Variants in TMEM60 observed in about 807,000 individuals in gnomAD.
TMEM60 encodes chromosome 7 open reading frame 35.
A neutral mutation model predicts 10.7 loss-of-function variants in TMEM60; 4 were observed. The observed-to-expected ratio is 0.37, with a 90% CI of 0.18 to 0.86. TMEM60 has a LOEUF of 0.86. Among genes scored for constraint, TMEM60 ranks in the 40% least tolerant of loss-of-function variants. The probability of loss-of-function intolerance (pLI) is 0.43; values close to 1 mark genes in which losing one functional copy is unlikely to be tolerated. For synonymous variants in TMEM60, 56 were observed against 58.1 expected (o/e 0.96, Z 0.17); for missense variants, 128 against 153.4 (o/e 0.83, Z 0.88).
intron 1 of TMEM60, among the ~76,000 whole-genome samples, chr7:77,797,056 C>T (rs1022995467): frequency 6.6e-6 from 1 of 152,094 alleles, no homozygotes; most frequent in African/African-American, 2.4e-5. Flanking sequence ...GTGTTGGTTT[C>T]CTTTCCCGGC....
chr7:77,794,187 A>C lies in TMEM60; in HGVS notation c.187T>G (p.Ser63Ala). Residue 63 changes from serine to alanine, a missense_variant, in exon 2 of 2, where the codon TCT (serine) becomes GCT (alanine). Ser to Ala is a moderately conservative substitution (Grantham distance 99). Coordinates refer to ENST00000257663, the MANE Select transcript of TMEM60 (RefSeq NM_032936.4). ...LIVKMAGRCK[S>A]GFDPRHGSHN... Reference sequence around the variant, plus strand: ...GATCCATGTCGAGGGTCAAAGCCAGACTTACACCGCCCAGCCATTTTCACA... The same window carrying C: ...GATCCATGTCGAGGGTCAAAGCCAGCCTTACACCGCCCAGCCATTTTCACA... 2 of 1,613,824 alleles carry C rather than the reference A, an allele frequency of 1.2e-6. No homozygotes were observed. The highest frequency in any genetic ancestry group is 1.7e-6 in the Non-Finnish European group (2 of 1,179,942).
Position 77,793,959 on chromosome 7 carries a change from A to G in TMEM60, c.*13T>C. 1 of 1,535,554 alleles carries G rather than the reference A, an allele frequency of 6.5e-7. No homozygotes were observed. The highest frequency in any genetic ancestry group is 8.7e-7 in the Non-Finnish European group (1 of 1,145,314). ...GTTGAACAGCAATAGAAAGGAGATGATGTACTTAGAAGTCAGTCTCTCACA... is the reference window on the plus strand; with the variant it reads ...GTTGAACAGCAATAGAAAGGAGATGGTGTACTTAGAAGTCAGTCTCTCACA... On this transcript the variant is annotated 3_prime_UTR_variant, in exon 2 of 2. Coordinates refer to ENST00000257663, the MANE Select transcript of TMEM60 (RefSeq NM_032936.4).
chr7:77,796,470 C>T (rs889623084), intron 1 of TMEM60, among the ~76,000 whole-genome samples: 2 of 152,082 alleles, frequency 1.3e-5, no homozygotes, highest in African/African-American at 4.8e-5. Context: ...AGAAGCCAGA[C>T]TGCATGCAGC....
rs1483633752 is a variant in TMEM60, at chr7:77,798,386, C to T, written c.-183G>A. On this transcript the variant is annotated 5_prime_UTR_variant, in exon 1 of 2. Transcript: ENST00000257663. ...CCGTCACATGATAATTAAGAAAAAA[C>T]TTCAGTTCCGCCTCCTCAAACGACT... The T allele has an allele frequency of 6.6e-6, 1 of 152,242 alleles. No individual in the cohort carries two copies. Among genetic ancestry groups the T allele is most frequent in the Non-Finnish European group, 1.5e-5 (1 of 68,080 alleles). 9.4% of individuals were successfully genotyped at this position (152,242 alleles called of 1,614,324 possible). A position where few individuals can be genotyped will look rare whatever the true frequency, so the allele number is the denominator to read the frequency against.
intron 1 of TMEM60, among the ~76,000 whole-genome samples, chr7:77,794,838 A>T (rs1792151009): frequency 6.6e-6 from 1 of 152,208 alleles, no homozygotes; most frequent in Non-Finnish European, 1.5e-5. Flanking sequence ...GGTGGGTATC[A>T]AGCTGAGAAG....
chr7:77,795,500 G>T (rs1232351433), intron 1 of TMEM60, among the ~76,000 whole-genome samples: 2 of 143,950 alleles, frequency 1.4e-5, no homozygotes, highest in African/African-American at 2.7e-5. Context: ...GGCGATGGGA[G>T]TGAGACCACT....
In TMEM60 at chr7:77,793,754, A is replaced by G. The variant is rs1401569184; in HGVS notation, c.*218T>C. 4.3e-6 allele frequency: 2 copies of G among 463,378 alleles called. No homozygotes were observed. The highest frequency in any genetic ancestry group is 2.0e-5 in the African/African-American group (1 of 49,500). The allele number at this position is 463,378 out of a possible 1,614,324, so 28.7% of individuals were successfully genotyped here. On this transcript the variant is annotated 3_prime_UTR_variant, in exon 2 of 2. Coordinates refer to ENST00000257663, the MANE Select transcript of TMEM60 (RefSeq NM_032936.4). ...GAGGTCCAAAACAAACTTTATTTAC[A>G]TAGAGATAATAAGGATCTCAATAAC...
chr7:77,794,289 C>G lies in TMEM60; in HGVS notation c.85G>C (p.Glu29Gln). Residue 29 changes from glutamate (E) to glutamine (Q), a missense_variant, in exon 2 of 2, where the codon GAG becomes CAG. By Grantham distance (29) the Glu-to-Gln change is conservative. Coordinates refer to ENST00000257663, the MANE Select transcript of TMEM60 (RefSeq NM_032936.4). Reference sequence around the variant, plus strand: ...AGGAACCAGTTCCAAGGTGCTTTCTCATCCAGTTTCAACACCAACATGATC... The same window carrying G: ...AGGAACCAGTTCCAAGGTGCTTTCTGATCCAGTTTCAACACCAACATGATC... The part of the protein sequence containing the change: ...FLIMLVLKLD[E>Q]KAPWNWFLIF... 1.2e-6 allele frequency: 2 copies of G among 1,613,108 alleles called. No individual in the cohort carries two copies. Among genetic ancestry groups the G allele is most frequent in the Non-Finnish European group, 1.7e-6 (2 of 1,179,696 alleles).
chr7:77,798,022 C>A (rs1314718616), intron 1 of TMEM60, among the ~76,000 whole-genome samples: 8 of 152,094 alleles, frequency 5.3e-5, no homozygotes. Context: ...CACCGACAGT[C>A]GGCTCGCGGC....
chr7:77,795,145 G>A (rs1792154570), intron 1 of TMEM60, among the ~76,000 whole-genome samples: 1 of 151,972 alleles, frequency 6.6e-6, no homozygotes, highest in Admixed American at 6.5e-5. Context: ...GGGCAAAAGA[G>A]TGAGATGCTG....
intron 1 of TMEM60, among the ~76,000 whole-genome samples, chr7:77,796,014 T>G (rs1236137581): frequency 6.6e-6 from 1 of 152,148 alleles, no homozygotes; most frequent in African/African-American, 2.4e-5. Flanking sequence ...CTCAGGTCAC[T>G]GCAGCCTCTG....
chr7:77,795,086 C>T (rs117390779), intron 1 of TMEM60, among the ~76,000 whole-genome samples: 1,852 of 152,178 alleles, frequency 0.012, 15 homozygotes, highest in Middle Eastern at 0.034. Flanking sequence ...TCCAGGAGGT[C>T]GAGGCCGCAG....
At chr7:77,796,566 A>C (rs1400810397) in intron 1 of TMEM60, among the ~76,000 whole-genome samples, 2 of 152,176 alleles carry the variant, frequency 1.3e-5, no homozygotes, top group African/African-American at 4.8e-5. Context: ...GAGAAAAATG[A>C]AAGATAGGGT....
chr7:77,797,911 G>A lies in TMEM60; in HGVS notation c.-51+343C>T, dbSNP rs189960477. Among the ~76,000 whole-genome samples the A allele has an allele frequency of 1.9e-3, 290 of 152,304 alleles. 1 individual carries two copies. The highest frequency in any genetic ancestry group is 6.6e-3 in the African/African-American group (276 of 41,572). ...GAAAAGCCCGTGCAGCAACAGCCTT[G>A]GCCAAAGGAACAGCGTTCTGCTTAC... is the stretch of plus-strand genomic sequence containing the variant. On this transcript the variant is annotated intron_variant, in intron 1 of 1. Transcript: ENST00000257663.
rs1223063847 is a variant in TMEM60, at chr7:77,798,344, C to T, written c.-141G>A. 1 of 152,184 alleles carries T rather than the reference C, an allele frequency of 6.6e-6. No individual in the cohort carries two copies. The allele number at this position is 152,184 out of a possible 1,614,324, so 9.4% of individuals were successfully genotyped here. On this transcript the variant is annotated 5_prime_UTR_variant, in exon 1 of 2. Coordinates refer to ENST00000257663, the MANE Select transcript of TMEM60 (RefSeq NM_032936.4). Reference sequence around the variant, plus strand: ...CCTTGTCCTTTTCCGCCCTTTTCCCCCCATTAAATCCAGAACCCGTCACAT... The same window carrying T: ...CCTTGTCCTTTTCCGCCCTTTTCCCTCCATTAAATCCAGAACCCGTCACAT...
rs561539627 is a variant in TMEM60, at chr7:77,793,863, A to T, written c.*109T>A. ...TTTTATGGAAGTAGTATAAAACTAC[A>T]TTTGGTATTTTCCCTCAGTTCTCTG... On this transcript the variant is annotated 3_prime_UTR_variant, in exon 2 of 2. Coordinates refer to ENST00000257663, the MANE Select transcript of TMEM60 (RefSeq NM_032936.4). 3 of 1,243,668 alleles carry T rather than the reference A, an allele frequency of 2.4e-6. No individual in the cohort carries two copies. The Admixed American group carries it at 9.2e-5, about 38-fold the overall frequency. The allele number at this position is 1,243,668 out of a possible 1,614,324, so 77.0% of individuals were successfully genotyped here.
intron 1 of TMEM60, among the ~76,000 whole-genome samples, chr7:77,797,844 A>G (rs1792220042): frequency 6.6e-6 from 1 of 152,164 alleles, no homozygotes; most frequent in Non-Finnish European, 1.5e-5. Context: ...ATTTTGCTTC[A>G]TGAGCCCACA....
chr7:77,796,719 C>A (rs889520655), intron 1 of TMEM60, among the ~76,000 whole-genome samples: 5 of 152,128 alleles, frequency 3.3e-5, no homozygotes, highest in Non-Finnish European at 5.9e-5. Context: ...GGGATAGGAA[C>A]AAAAGCATGC....
At position 77,795,993 on chromosome 7, in the gene TMEM60, A is replaced by T. The variant is rs560537563; in HGVS notation, c.-50-1570T>A. On this transcript the variant is annotated intron_variant, in intron 1 of 1. Coordinates refer to ENST00000257663, the MANE Select transcript of TMEM60 (RefSeq NM_032936.4). ...ACTCTTGTCACTCAGGTTGGAGTGC[A>T]GTGGCACGATCTCAGGTCACTGCAG... Among the ~76,000 whole-genome samples, 20 of 151,568 alleles carry T rather than the reference A, an allele frequency of 1.3e-4. No individual in the cohort carries two copies. In the East Asian group the frequency reaches 3.9e-3, roughly 29 times the overall value.
Sources: allele counts gnomAD v4.1 joint callset (sites outside exome capture counted in the v4.1 genomes callset), GRCh38; gene constraint gnomAD v4.1.1; transcripts MANE v1.5; gene names NCBI Gene and HGNC (gene_info 2026-07-23, HGNC 2026-07-21).